The following EXOC6B variants were observed in gnomAD, a reference collection of about 807,000 sequenced individuals.
EXOC6B encodes exocyst complex component 6B.
In EXOC6B, 54 loss-of-function variants were observed where a neutral mutation model predicts 113.5. The observed-to-expected ratio is 0.48, with a 90% CI of 0.38 to 0.60. The LOEUF (loss-of-function observed/expected upper bound fraction) is 0.60, where lower values mean the gene tolerates loss of function less well. EXOC6B is among the 20% of genes least tolerant of loss of function. EXOC6B has a pLI of 0.00. For synonymous variants in EXOC6B, 357 were observed against 339.0 expected (o/e 1.05, Z -0.58); for missense variants, 797 against 977.5 (o/e 0.82, Z 2.46).
intron 6 of EXOC6B, among the ~76,000 whole-genome samples, chr2:72,646,356 C>A (rs747883715): frequency 2.0e-5 from 3 of 152,018 alleles, no homozygotes; most frequent in Admixed American, 2.0e-4. Context: ...CTGGGTTCTA[C>A]CAGAGGTACA....
intron 20 of EXOC6B, among the ~76,000 whole-genome samples, chr2:72,272,345 G>A (rs1479494759): frequency 6.6e-6 from 1 of 152,116 alleles, no homozygotes; most frequent in Non-Finnish European, 1.5e-5. Context: ...GGTGTGTACA[G>A]AAAACATCCC....
chr2:72,579,096 A>G (rs1705046660), intron 6 of EXOC6B, among the ~76,000 whole-genome samples: 1 of 152,206 alleles, frequency 6.6e-6, no homozygotes, highest in African/African-American at 2.4e-5. Context: ...CATTATGAGA[A>G]CTTGAATAAA....
In EXOC6B at chr2:72,407,279, C is replaced by G. The variant is rs369001267; in HGVS notation, c.1981-27409G>C. Among the ~76,000 whole-genome samples the G allele has an allele frequency of 1.8e-4, 27 of 152,238 alleles. No individual in the cohort carries two copies. The East Asian group carries it at 4.6e-3, about 26-fold the overall frequency. Reference sequence around the variant, plus strand: ...AGAAGGATTCACAGCTGAATTCTACCAGAGGTACAAGGAGGAGCTGGTACC... The same window carrying G: ...AGAAGGATTCACAGCTGAATTCTACGAGAGGTACAAGGAGGAGCTGGTACC... On this transcript the variant is annotated intron_variant, in intron 18 of 21. Transcript: ENST00000272427.
chr2:72,411,936 T>C (rs1333885727), intron 18 of EXOC6B, among the ~76,000 whole-genome samples: 3 of 152,166 alleles, frequency 2.0e-5, no homozygotes, highest in Non-Finnish European at 4.4e-5. Flanking sequence ...AGATAAAATA[T>C]GTATGTTTAA....
At chr2:72,686,462 A>G (rs1022911071) in intron 6 of EXOC6B, among the ~76,000 whole-genome samples, 5 of 152,342 alleles carry the variant, frequency 3.3e-5, no homozygotes, top group South Asian at 4.1e-4. Context: ...TAGAATGTAC[A>G]ATTATTATCT....
At chr2:72,294,301 T>C (rs1354430556) in intron 20 of EXOC6B, among the ~76,000 whole-genome samples, 1 of 152,112 alleles carries the variant, frequency 6.6e-6, no homozygotes, top group African/African-American at 2.4e-5. Context: ...AGTTAATATT[T>C]ATTATAATCA....
At chr2:72,394,729 A>C (rs1289116581) in intron 18 of EXOC6B, among the ~76,000 whole-genome samples, 1 of 152,144 alleles carries the variant, frequency 6.6e-6, no homozygotes, top group African/African-American at 2.4e-5. Flanking sequence ...CCAAGATGTC[A>C]AAGAATCTGA....
At chr2:72,378,047 A>C (rs538499998) in intron 19 of EXOC6B, among the ~76,000 whole-genome samples, 2 of 152,084 alleles carry the variant, frequency 1.3e-5, no homozygotes, top group East Asian at 1.9e-4. Flanking sequence ...TACTAAATGC[A>C]AAAGATGTTT....
chr2:72,369,890 C>T (rs1311995599), intron 19 of EXOC6B, among the ~76,000 whole-genome samples: 3 of 149,900 alleles, frequency 2.0e-5, no homozygotes, highest in African/African-American at 7.6e-5. Flanking sequence ...AAATGTTAGA[C>T]CTAAAACCAT....
intron 20 of EXOC6B, among the ~76,000 whole-genome samples, chr2:72,306,182 TA>T (rs146938787): frequency 6.6e-6 from 1 of 152,112 alleles, no homozygotes; most frequent in African/African-American, 2.4e-5. Flanking sequence ...ACATTATTTA[TA>T]AAAAACAAGG....
At chr2:72,540,473 T>C (rs1017947329) in intron 8 of EXOC6B, among the ~76,000 whole-genome samples, 31 of 152,346 alleles carry the variant, frequency 2.0e-4, no homozygotes, top group South Asian at 4.1e-4. Flanking sequence ...CTTAACCATT[T>C]GAAATTATGT....
chr2:72,689,926 A>G (rs1190477378), intron 6 of EXOC6B, among the ~76,000 whole-genome samples: 4 of 152,236 alleles, frequency 2.6e-5, no homozygotes. Flanking sequence ...AGCCAAGACA[A>G]TTTGTTATAC....
chr2:72,486,227 G>A lies in EXOC6B; in HGVS notation c.1666-5477C>T, dbSNP rs544809352. Among the ~76,000 whole-genome samples the A allele has an allele frequency of 1.7e-4, 26 of 151,898 alleles. No homozygotes were observed. In the East Asian group the frequency reaches 5.0e-3, roughly 29 times the overall value. On this transcript the variant is annotated intron_variant, in intron 16 of 21. Coordinates refer to ENST00000272427, the MANE Select transcript of EXOC6B (RefSeq NM_015189.3). The stretch of plus-strand genomic sequence containing the variant: ...TCTACTAAAATACAAAAATTAGCTG[G>A]GTGTGGTGGCACATGCCTGTAATCC...
intron 20 of EXOC6B, among the ~76,000 whole-genome samples, chr2:72,241,075 A>C (rs1682282533): frequency 6.6e-6 from 1 of 152,244 alleles, no homozygotes. Flanking sequence ...AAAGATAAAA[A>C]CTGAATATAA....
chr2:72,186,906 C>T (rs1445891201), intron 20 of EXOC6B, among the ~76,000 whole-genome samples: 1 of 152,152 alleles, frequency 6.6e-6, no homozygotes, highest in Non-Finnish European at 1.5e-5. Flanking sequence ...GCCAGTGGCA[C>T]CTTTGCCTGA....
chr2:72,392,456 A>G (rs893946294), intron 18 of EXOC6B, among the ~76,000 whole-genome samples: 1 of 152,182 alleles, frequency 6.6e-6, no homozygotes, highest in Non-Finnish European at 1.5e-5. Context: ...TCTCTATTCA[A>G]ATAATTCATC....
chr2:72,708,943 T>C (rs1472780061), intron 6 of EXOC6B, among the ~76,000 whole-genome samples: 1 of 132,582 alleles, frequency 7.5e-6, no homozygotes, highest in Non-Finnish European at 1.6e-5. Context: ...AAAGTCTTAC[T>C]ATGTTGCCCA....
intron 8 of EXOC6B, among the ~76,000 whole-genome samples, chr2:72,525,896 C>T (rs1701726577): frequency 6.6e-6 from 1 of 152,062 alleles, no homozygotes; most frequent in African/African-American, 2.4e-5. Flanking sequence ...TGAGTGTCTG[C>T]ATATGATGAG....
At chr2:72,638,776 T>C (rs1673022501) in intron 6 of EXOC6B, among the ~76,000 whole-genome samples, 1 of 152,136 alleles carries the variant, frequency 6.6e-6, no homozygotes, top group African/African-American at 2.4e-5. Flanking sequence ...AGAGTGTCTG[T>C]AGTGGAGCAT....
Sources: allele counts gnomAD v4.1 joint callset (sites outside exome capture counted in the v4.1 genomes callset), GRCh38; gene constraint gnomAD v4.1.1; transcripts MANE v1.5; gene names NCBI Gene and HGNC (gene_info 2026-07-23, HGNC 2026-07-21).